DENND1A: variants seen among roughly 807,000 people sequenced by gnomAD.
DENND1A encodes the protein DENN domain-containing protein 1A.
Under a neutral mutation model 113.7 loss-of-function variants are expected in DENND1A, and 51 were observed. The ratio of observed to expected loss-of-function variants is 0.45; its 90% CI spans 0.36 to 0.57. The LOEUF (loss-of-function observed/expected upper bound fraction) is 0.57. Among genes scored for constraint, DENND1A ranks in the 20% least tolerant of loss-of-function variants. The probability of loss-of-function intolerance (pLI) is 0.00; values close to 1 mark genes in which losing one functional copy is unlikely to be tolerated. For synonymous variants in DENND1A, 565 were observed against 570.8 expected (o/e 0.99, Z 0.14); for missense variants, 1,258 against 1,395.9 (o/e 0.90, Z 1.57).
chr9:123,588,283 CAAA>C (rs10640791), intron 11 of DENND1A, among the ~76,000 whole-genome samples: 2 of 68,070 alleles, frequency 2.9e-5, no homozygotes, highest in Admixed American at 1.7e-4. Context: ...AACTCTGTCT[CAAA>C]AAAAAAAAAA....
At chr9:123,537,793 C>T (rs1257472741) in intron 13 of DENND1A, among the ~76,000 whole-genome samples, 2 of 152,134 alleles carry the variant, frequency 1.3e-5, no homozygotes, top group African/African-American at 4.8e-5. Flanking sequence ...AATGTATGAG[C>T]CAAGGATCTT....
intron 2 of DENND1A, among the ~76,000 whole-genome samples, chr9:123,800,660 C>T (rs369731966): frequency 6.6e-5 from 10 of 152,128 alleles, no homozygotes; most frequent in South Asian, 2.1e-4. Context: ...CAGGCCTTAG[C>T]GGATTATGAA....
chr9:123,899,609 T>G (rs1177543866), intron 1 of DENND1A, among the ~76,000 whole-genome samples: 1 of 152,192 alleles, frequency 6.6e-6, no homozygotes, highest in African/African-American at 2.4e-5. Context: ...AGGGAAAAAA[T>G]GTAAAGTTTA....
At chr9:123,605,328 C>A (rs953960621) in intron 11 of DENND1A, among the ~76,000 whole-genome samples, 32 of 152,154 alleles carry the variant, frequency 2.1e-4, no homozygotes, top group African/African-American at 7.7e-4. Flanking sequence ...ATTTATCAAA[C>A]AGGAGAAGCA....
chr9:123,412,907 T>C (rs1210179920), intron 19 of DENND1A, among the ~76,000 whole-genome samples: 1 of 152,188 alleles, frequency 6.6e-6, no homozygotes, highest in African/African-American at 2.4e-5. Flanking sequence ...ATGTGTCTGG[T>C]CCACGTTAAG....
intron 2 of DENND1A, among the ~76,000 whole-genome samples, chr9:123,809,783 G>A (rs752433211): frequency 7.9e-5 from 12 of 152,102 alleles, no homozygotes; most frequent in Admixed American, 3.9e-4. Context: ...CAATTCTCGC[G>A]CCTCAGCCTC....
chr9:123,597,765 T>C (rs1220489831), intron 11 of DENND1A, among the ~76,000 whole-genome samples: 1 of 152,180 alleles, frequency 6.6e-6, no homozygotes, highest in Non-Finnish European at 1.5e-5. Context: ...AAATGGTTTG[T>C]GTGGGTCTTC....
intron 9 of DENND1A, among the ~76,000 whole-genome samples, chr9:123,640,151 TAGAG>T (rs929862843): frequency 4.6e-5 from 7 of 152,090 alleles, no homozygotes; most frequent in African/African-American, 9.7e-5. Flanking sequence ...CAATTTAAAA[TAGAG>T]AGAGAAAGAT....
At chr9:123,916,354 A>C (rs1287185684) in intron 1 of DENND1A, among the ~76,000 whole-genome samples, 1 of 150,612 alleles carries the variant, frequency 6.6e-6, no homozygotes, top group East Asian at 1.9e-4. Flanking sequence ...GGAGATGTGA[A>C]TATATCTACG....
intron 5 of DENND1A, among the ~76,000 whole-genome samples, chr9:123,722,696 T>C (rs1415053105): frequency 6.6e-6 from 1 of 152,178 alleles, no homozygotes; most frequent in Non-Finnish European, 1.5e-5. Context: ...TTCCACATGG[T>C]ATTAAGCCTG....
At position 123,383,807 on chromosome 9, in the gene DENND1A, G is replaced by A. The variant is rs1489183793; in HGVS notation, c.1867C>T (p.Pro623Ser). ...RKSTGPVPAPPDRAASIDLLE... is the reference protein window; with the variant it reads ...RKSTGPVPAPSDRAASIDLLE... ...AGGTCGATGCTGGCAGCCCGGTCAG[G>A]GGGAGCTGGGACAGGGCCTGTGGAC... Residue 623 changes from proline to serine, a missense_variant, in exon 23 of 24, where the codon CCT becomes TCT. Transcript: ENST00000394215. 1 of 1,614,066 alleles carries A rather than the reference G, an allele frequency of 6.2e-7. No homozygotes were observed. Among genetic ancestry groups the A allele is most frequent in the Non-Finnish European group, 8.5e-7 (1 of 1,180,046 alleles).
At chr9:123,659,605 C>T (rs1185590084) in intron 8 of DENND1A, among the ~76,000 whole-genome samples, 1 of 152,210 alleles carries the variant, frequency 6.6e-6, no homozygotes. Context: ...TCAAACCAGA[C>T]ATTGTCCTTG....
chr9:123,557,822 C>G (rs1205111906), intron 12 of DENND1A, 127 bp from the exon 13 acceptor site: 1 of 1,139,994 alleles, frequency 8.8e-7, no homozygotes, highest in Non-Finnish European at 1.2e-6. Context: ...ACCTCAGTTA[C>G]TGGGAGGACA....
At chr9:123,635,812 G>C (rs1054430471) in intron 9 of DENND1A, among the ~76,000 whole-genome samples, 18 of 152,172 alleles carry the variant, frequency 1.2e-4, no homozygotes, top group Non-Finnish European at 2.4e-4. Context: ...GAAAGTGTTG[G>C]AAAGTCTTGC....
chr9:123,843,235 C>T, intron 2 of DENND1A: 1 of 509,426 alleles, frequency 2.0e-6, no homozygotes, highest in South Asian at 1.6e-5. Flanking sequence ...CCAAATGCAT[C>T]CCCTAAAAAA....
intron 5 of DENND1A, among the ~76,000 whole-genome samples, chr9:123,685,371 T>A (rs537083863): frequency 6.6e-6 from 1 of 152,376 alleles, no homozygotes; most frequent in South Asian, 2.1e-4. Flanking sequence ...CAAGAATCTC[T>A]GATTTATGTC....
intron 11 of DENND1A, among the ~76,000 whole-genome samples, chr9:123,596,517 T>TA (rs1193294011): frequency 1.3e-5 from 2 of 152,192 alleles, no homozygotes; most frequent in African/African-American, 4.8e-5. Flanking sequence ...CTCCAAGAGG[T>TA]ACAGTAATTT....
chr9:123,495,171 T>TCTCTCTCTCTC (rs1564598042), intron 13 of DENND1A, among the ~76,000 whole-genome samples: 40 of 76,358 alleles, frequency 5.2e-4, no homozygotes, highest in African/African-American at 2.1e-3. Flanking sequence ...CTCTCTCTCT[T>TCTCTCTCTCTC]ATAATGTCTG....
At chr9:123,818,503 T>C (rs1356644830) in intron 2 of DENND1A, among the ~76,000 whole-genome samples, 1 of 129,128 alleles carries the variant, frequency 7.7e-6, no homozygotes, top group Non-Finnish European at 1.6e-5. Context: ...AATATTGGCA[T>C]ATATATACAT....
Sources: allele counts gnomAD v4.1 joint callset (sites outside exome capture counted in the v4.1 genomes callset), GRCh38; gene constraint gnomAD v4.1.1; transcripts MANE v1.5; gene names NCBI Gene and HGNC (gene_info 2026-07-23, HGNC 2026-07-21).